The following HERC3 variants were observed in gnomAD, a reference collection of about 807,000 sequenced individuals.
HERC3 encodes probable E3 ubiquitin-protein ligase HERC3.
A neutral mutation model predicts 129.9 loss-of-function variants in HERC3; 58 were observed. That is an observed-to-expected ratio of 0.45 (90% CI 0.36 to 0.56). HERC3 has a LOEUF of 0.56. HERC3 is among the 20% of genes least tolerant of loss of function. HERC3 has a pLI of 0.00. For missense variants in HERC3, 835 were observed against 1,244.2 expected, an observed-to-expected ratio of 0.67 and a Z score of 4.95; for synonymous variants, 430 against 451.0, an observed-to-expected ratio of 0.95 and a Z score of 0.59.
chr4:88,604,514 G>C (rs116710855), intron 2 of HERC3, among the ~76,000 whole-genome samples: 2,512 of 152,278 alleles, frequency 0.016, 36 homozygotes, highest in Non-Finnish European at 0.027. Flanking sequence ...TCTATTGCCT[G>C]TTCTATACAT....
At chr4:88,558,071 CA>C in the HERC3 span, among the ~76,000 whole-genome samples, 435 of 39,144 alleles carry the variant, frequency 0.011, no homozygotes, top group Middle Eastern at 0.042. Flanking sequence ...GACTCTGACT[CA>C]AAAAAAAAAA....
At chr4:88,581,271 ATTCT>A in the HERC3 span, among the ~76,000 whole-genome samples, 387 of 151,490 alleles carry the variant, frequency 2.6e-3, 3 homozygotes, top group African/African-American at 8.8e-3. Flanking sequence ...CTAAAAATAT[ATTCT>A]TTCTATTTAT....
At chr4:88,664,244 C>G (rs370731609) in intron 12 of HERC3, 32 bp downstream of exon 12, 187 of 1,548,772 alleles carry the variant, frequency 1.2e-4, no homozygotes, top group Middle Eastern at 5.0e-4. Context: ...AAAACCCTCA[C>G]GTGTACCTGT....
At chr4:88,648,281 C>T (rs1458969102) in intron 3 of HERC3, among the ~76,000 whole-genome samples, 1 of 152,170 alleles carries the variant, frequency 6.6e-6, no homozygotes, top group Non-Finnish European at 1.5e-5. Context: ...AAAGGTTCTT[C>T]ACCTCCTTCC....
intron 3 of HERC3, among the ~76,000 whole-genome samples, chr4:88,628,576 A>G (rs997545214): frequency 6.6e-6 from 1 of 152,176 alleles, no homozygotes; most frequent in African/African-American, 2.4e-5. Context: ...GATAAAATAG[A>G]TGGATCCCAA....
chr4:88,703,034 G>C (rs3017906), intron 23 of HERC3, among the ~76,000 whole-genome samples: 54,247 of 152,108 alleles, frequency 0.36, 10,524 homozygotes, highest in East Asian at 0.53. Flanking sequence ...ATTGCCATCT[G>C]TCTCGATAAC....
intron 18 of HERC3, 33 bp from the exon 19 acceptor site, chr4:88,677,931 T>C (rs1560752521): frequency 6.2e-7 from 1 of 1,602,826 alleles, no homozygotes; most frequent in Non-Finnish European, 8.5e-7. Context: ...ACGTGTGCTC[T>C]GAGTAATTGC....
chr4:88,583,563 T>C, the HERC3 span: 6 of 152,218 alleles, frequency 3.9e-5, no homozygotes, highest in African/African-American at 1.4e-4. Flanking sequence ...GTCTTTGAAA[T>C]GACTAGGACT....
intron 23 of HERC3, among the ~76,000 whole-genome samples, chr4:88,700,592 C>T (rs1048465955): frequency 6.6e-6 from 1 of 152,088 alleles, no homozygotes; most frequent in African/African-American, 2.4e-5. Flanking sequence ...ATTTCAAAGG[C>T]ACATCTGCGT....
At chr4:88,573,941 G>T in the HERC3 span, among the ~76,000 whole-genome samples, 1 of 152,196 alleles carries the variant, frequency 6.6e-6, no homozygotes, top group East Asian at 1.9e-4. Flanking sequence ...GAAATGGAAT[G>T]ATCCTTCCTA....
At chr4:88,568,268 A>G in the HERC3 span, among the ~76,000 whole-genome samples, 1 of 152,274 alleles carries the variant, frequency 6.6e-6, no homozygotes, top group South Asian at 2.1e-4. Flanking sequence ...GCCTGTGACA[A>G]TCACTGCCTG....
chr4:88,551,189 A>G, the HERC3 span, among the ~76,000 whole-genome samples: 3 of 152,316 alleles, frequency 2.0e-5, no homozygotes, highest in South Asian at 6.2e-4. Context: ...ACCCTGGAAG[A>G]AAACCTAGGC....
At chr4:88,566,011 G>A in the HERC3 span, among the ~76,000 whole-genome samples, 4 of 151,900 alleles carry the variant, frequency 2.6e-5, no homozygotes, top group Non-Finnish European at 5.9e-5. Flanking sequence ...GGGTACAAGT[G>A]TAGGTTTGTT....
chr4:88,608,086 C>T (rs1723872061), intron 3 of HERC3, among the ~76,000 whole-genome samples: 1 of 152,322 alleles, frequency 6.6e-6, no homozygotes, highest in Non-Finnish European at 1.5e-5. Context: ...TTCTGTGACA[C>T]TGTCTCCCTC....
rs572885206 is a variant in HERC3 at position 88,593,051 on chromosome 4, A to G, written c.-88+477A>G. Among the ~76,000 whole-genome samples the G allele has an allele frequency of 1.1e-3, 170 of 152,170 alleles. 8 individuals are homozygous for G. The highest frequency in any genetic ancestry group is 0.011 in the Admixed American group (170 of 15,298). ...CGCGGACGCTTTCAATTGAAATGGG[A>G]GCTGGCGAGGCCCTGGCATTTTGGG... On this transcript the variant is annotated intron_variant, in intron 1 of 25. Transcript: ENST00000402738.
the HERC3 span, among the ~76,000 whole-genome samples, chr4:88,549,050 A>G: frequency 2.0e-5 from 3 of 152,120 alleles, no homozygotes; most frequent in Non-Finnish European, 4.4e-5. Flanking sequence ...CATATCTAAG[A>G]AACTATTGCC....
the HERC3 span, among the ~76,000 whole-genome samples, chr4:88,526,628 C>T: frequency 6.6e-6 from 1 of 152,106 alleles, no homozygotes; most frequent in South Asian, 2.1e-4. Flanking sequence ...CCTTGACCTC[C>T]CAGACTCAAG....
At chr4:88,530,628 A>T in the HERC3 span, among the ~76,000 whole-genome samples, 2 of 152,312 alleles carry the variant, frequency 1.3e-5, no homozygotes, top group South Asian at 4.1e-4. Context: ...AAAGTTTGCT[A>T]GGCAGAGATG....
At chr4:88,556,798 G>A in the HERC3 span, among the ~76,000 whole-genome samples, 90 of 134,394 alleles carry the variant, frequency 6.7e-4, no homozygotes, top group African/African-American at 3.0e-3. Flanking sequence ...TCCATGGCAC[G>A]AAGCCCTTTC....
Sources: allele counts gnomAD v4.1 joint callset (sites outside exome capture counted in the v4.1 genomes callset), GRCh38; gene constraint gnomAD v4.1.1; transcripts MANE v1.5; gene names NCBI Gene and HGNC (gene_info 2026-07-23, HGNC 2026-07-21).